Variants in ROBO2 observed in about 807,000 individuals in gnomAD.
The protein encoded by ROBO2 is roundabout guidance receptor 2.
A neutral mutation model predicts 160.8 loss-of-function variants in ROBO2; 53 were observed. The observed-to-expected ratio is 0.33, with a 90% CI of 0.26 to 0.41. The LOEUF is 0.41. Among genes scored for constraint, ROBO2 ranks in the 10% least tolerant of loss-of-function variants. ROBO2 has a pLI of 1.00. For synonymous variants in ROBO2, 664 were observed against 611.7 expected (o/e 1.09, Z -1.26); for missense variants, 1,577 against 1,722.4 (o/e 0.92, Z 1.49).
intron 2 of ROBO2, among the ~76,000 whole-genome samples, chr3:77,376,318 C>A (rs2153481196): frequency 6.6e-6 from 1 of 151,876 alleles, no homozygotes; most frequent in South Asian, 2.1e-4. Context: ...GTACACCTGG[C>A]TAATTTTTTT....
intron 2 of ROBO2, among the ~76,000 whole-genome samples, chr3:76,945,534 A>G (rs1302672338): frequency 2.6e-5 from 4 of 152,148 alleles, no homozygotes; most frequent in Admixed American, 2.6e-4. Context: ...CCCACCCCAA[A>G]CACACCTCCT....
chr3:75,996,788 CAATTCT>C (rs1202464760), intron 2 of ROBO2, among the ~76,000 whole-genome samples: 2 of 83,558 alleles, frequency 2.4e-5, no homozygotes, highest in Non-Finnish European at 3.1e-5. Flanking sequence ...TGTAAATCAT[CAATTCT>C]GATATATGTA....
chr3:77,358,021 T>C (rs1408317418), intron 2 of ROBO2, among the ~76,000 whole-genome samples: 1 of 152,158 alleles, frequency 6.6e-6, no homozygotes, highest in Non-Finnish European at 1.5e-5. Flanking sequence ...GTGTTCCTCG[T>C]TGGAAATGCT....
At chr3:77,157,932 C>G (rs952064521) in intron 2 of ROBO2, among the ~76,000 whole-genome samples, 1 of 151,914 alleles carries the variant, frequency 6.6e-6, no homozygotes, top group Non-Finnish European at 1.5e-5. Context: ...CCCTGATTGT[C>G]CCTTCTTTTA....
intron 22 of ROBO2, among the ~76,000 whole-genome samples, 166 bp from the exon 24 acceptor site, chr3:77,622,061 C>T (rs2094913208): frequency 6.6e-6 from 1 of 151,846 alleles, no homozygotes; most frequent in Admixed American, 6.6e-5. Flanking sequence ...TGGTGAGGCT[C>T]GTATTCGTAG....
At chr3:76,851,361 G>T (rs150232193) in intron 2 of ROBO2, among the ~76,000 whole-genome samples, 74 of 152,282 alleles carry the variant, frequency 4.9e-4, no homozygotes, top group African/African-American at 1.8e-3. Flanking sequence ...GAATGCTATA[G>T]GATAGCACTG....
At chr3:77,299,076 A>G (rs1476910832) in intron 2 of ROBO2, among the ~76,000 whole-genome samples, 2 of 152,200 alleles carry the variant, frequency 1.3e-5, no homozygotes, top group South Asian at 2.1e-4. Context: ...ATGATGAGGA[A>G]CAGGAAGAAA....
intron 2 of ROBO2, among the ~76,000 whole-genome samples, chr3:76,570,294 A>G (rs533400765): frequency 1.3e-5 from 2 of 152,320 alleles, no homozygotes; most frequent in Non-Finnish European, 2.9e-5. Context: ...GTTTAGAACA[A>G]TAAGGTTTAT....
chr3:77,389,605 T>C (rs2074499333), intron 2 of ROBO2, among the ~76,000 whole-genome samples: 1 of 152,100 alleles, frequency 6.6e-6, no homozygotes, highest in Non-Finnish European at 1.5e-5. Context: ...ATTTCTTACA[T>C]TTATATTTAC....
intron 2 of ROBO2, among the ~76,000 whole-genome samples, chr3:76,807,753 G>A (rs952368459): frequency 6.6e-6 from 1 of 151,954 alleles, no homozygotes; most frequent in African/African-American, 2.4e-5. Context: ...TATAGTGAAA[G>A]GGCATCAGTT....
chr3:77,357,854 T>TA (rs1435604807), intron 2 of ROBO2, among the ~76,000 whole-genome samples: 7 of 152,204 alleles, frequency 4.6e-5, no homozygotes, highest in African/African-American at 1.7e-4. Flanking sequence ...AGGTTTGGGC[T>TA]AAAAACTACC....
At chr3:76,954,476 C>G (rs370787887) in intron 2 of ROBO2, among the ~76,000 whole-genome samples, 1 of 152,178 alleles carries the variant, frequency 6.6e-6, no homozygotes, top group Non-Finnish European at 1.5e-5. Context: ...GCATATATTT[C>G]TCGCATTACT....
chr3:76,718,243 G>T (rs2093413008), intron 2 of ROBO2, among the ~76,000 whole-genome samples: 1 of 152,170 alleles, frequency 6.6e-6, no homozygotes, highest in Non-Finnish European at 1.5e-5. Context: ...GCAAGCTTAG[G>T]AGTCCTGTGA....
intron 2 of ROBO2, among the ~76,000 whole-genome samples, chr3:76,496,935 A>G (rs896446601): frequency 2.5e-4 from 38 of 152,180 alleles, no homozygotes; most frequent in African/African-American, 9.2e-4. Flanking sequence ...CATAATAGTC[A>G]CAATGAACCT....
At chr3:76,230,210 C>A (rs927886579) in intron 2 of ROBO2, among the ~76,000 whole-genome samples, 1 of 152,094 alleles carries the variant, frequency 6.6e-6, no homozygotes, top group Non-Finnish European at 1.5e-5. Flanking sequence ...CCTTTTTCTT[C>A]ATGGAGTCCA....
rs2078606754 is a variant in ROBO2 at position 76,470,638 on chromosome 3, G to GC, written c.109+533038dup. Among the ~76,000 whole-genome samples the GC allele has an allele frequency of 2.0e-5, 3 of 152,206 alleles. No individual in the cohort carries two copies. The South Asian group carries it at 6.2e-4, about 32-fold the overall frequency. On this transcript the variant is annotated intron_variant, in intron 2 of 26. Transcript: ENST00000487694. The stretch of plus-strand genomic sequence containing the variant: ...AGCCACAAAATGTATTGACAATGCA[G>GC]CCTTAAAAGGAACATATTATAACTT...
chr3:77,138,997 T>C (rs2076495947), intron 2 of ROBO2, among the ~76,000 whole-genome samples: 1 of 152,220 alleles, frequency 6.6e-6, no homozygotes, highest in Non-Finnish European at 1.5e-5. Context: ...GCGCTGTTTT[T>C]AAAAGTATTT....
intron 2 of ROBO2, among the ~76,000 whole-genome samples, chr3:77,363,340 C>T (rs776745213): frequency 3.3e-5 from 5 of 152,084 alleles, no homozygotes; most frequent in Non-Finnish European, 7.3e-5. Flanking sequence ...TCCTGGTGGC[C>T]TGTATATTCT....
At chr3:77,309,159 AAACTT>A (rs2063339811) in intron 2 of ROBO2, among the ~76,000 whole-genome samples, 2 of 152,126 alleles carry the variant, frequency 1.3e-5, no homozygotes, top group Non-Finnish European at 2.9e-5. Flanking sequence ...AAATCTAAGA[AAACTT>A]AATTTATTTT....
Sources: allele counts gnomAD v4.1 joint callset (sites outside exome capture counted in the v4.1 genomes callset), GRCh38; gene constraint gnomAD v4.1.1; transcripts MANE v1.5; gene names NCBI Gene and HGNC (gene_info 2026-07-23, HGNC 2026-07-21).